The following BCORL1 variants were observed in gnomAD, a reference collection of about 807,000 sequenced individuals.
BCORL1 encodes BCL-6 corepressor-like protein 1.
A neutral mutation model predicts 87.6 loss-of-function variants in BCORL1; 7 were observed. The observed-to-expected ratio is 0.08, with a 90% CI of 0.05 to 0.15. BCORL1 has a LOEUF of 0.15. BCORL1 is among the 10% of genes least tolerant of loss of function. The pLI is 1.00. For missense variants in BCORL1, 1,215 were observed against 1,499.7 expected, an observed-to-expected ratio of 0.81 and a Z score of 3.13; for synonymous variants, 591 against 634.4, an observed-to-expected ratio of 0.93 and a Z score of 1.03.
At chrX:130,050,822 C>G in intron 12 of BCORL1, 28 bp downstream of exon 12, 1 of 1,151,347 alleles carries the variant, frequency 8.7e-7, no homozygotes, top group Non-Finnish European at 1.2e-6. Flanking sequence ...TTCTTCCCAC[C>G]CTTCTTCTCA....
At chrX:130,055,459 G>A (rs1051138759) in intron 13 of BCORL1, among the ~76,000 whole-genome samples, 4 of 112,728 alleles carry the variant, frequency 3.5e-5, no homozygotes, top group African/African-American at 9.7e-5. Flanking sequence ...TGGCAGGGGC[G>A]GGAGTCGGAG....
chrX:129,983,979 C>T (rs1603051235), intron 1 of BCORL1, among the ~76,000 whole-genome samples: 1 of 108,865 alleles, frequency 9.2e-6, no homozygotes, highest in Admixed American at 9.6e-5. Context: ...CCAGGGCTCC[C>T]CCACCCCGGG....
At chrX:130,034,016 C>A (rs1375010561) in intron 8 of BCORL1, among the ~76,000 whole-genome samples, 1 of 111,564 alleles carries the variant, frequency 9.0e-6, no homozygotes, top group Non-Finnish European at 1.9e-5. Context: ...TGTCTCATTT[C>A]TCTTTACTCT....
chrX:129,991,329 T>A (rs750082647), intron 1 of BCORL1, among the ~76,000 whole-genome samples: 41 of 110,583 alleles, frequency 3.7e-4, no homozygotes, highest in Non-Finnish European at 6.4e-4. Flanking sequence ...CATGTTGGCC[T>A]GGCTGGTCTC....
Position 130,008,350 on chromosome X carries a change from G to C in BCORL1, c.86+3033G>C, listed in dbSNP as rs762834419. Among the ~76,000 whole-genome samples, 214 of 108,441 alleles carry C rather than the reference G, an allele frequency of 2.0e-3. 1 individual carries two copies. The highest frequency in any genetic ancestry group is 2.8e-3 in the Non-Finnish European group (144 of 52,321). The allele number at this position is 108,441 out of a possible 115,157, so 94.2% of individuals were successfully genotyped here. The stretch of plus-strand genomic sequence containing the variant: ...GAGATCTGAGCTCACCGCAACCTCC[G>C]CCTCCCGGGTTCAAACGATTCTCCT... On this transcript the variant is annotated intron_variant, in intron 2 of 13. Transcript: ENST00000540052.
At chrX:129,985,639 G>A (rs1926539587) in intron 1 of BCORL1, among the ~76,000 whole-genome samples, 1 of 111,245 alleles carries the variant, frequency 9.0e-6, no homozygotes, top group African/African-American at 3.3e-5. Flanking sequence ...AGAATCTGAA[G>A]GTTGATAGTA....
chrX:130,033,808 C>A (rs939482651), intron 8 of BCORL1, among the ~76,000 whole-genome samples: 1 of 110,437 alleles, frequency 9.1e-6, no homozygotes, highest in African/African-American at 3.3e-5. Context: ...TGTGGCGAAA[C>A]CCCTCTCTAC....
At chrX:130,012,798 G>A in intron 3 of BCORL1, 130 bp downstream of exon 3, 1 of 1,008,846 alleles carries the variant, frequency 9.9e-7, no homozygotes, top group Non-Finnish European at 1.4e-6. Flanking sequence ...GTTGGTATTG[G>A]TGGGACACAA....
chrX:130,004,117 T>C (rs1928283897), intron 1 of BCORL1, among the ~76,000 whole-genome samples: 1 of 111,303 alleles, frequency 9.0e-6, no homozygotes, highest in Non-Finnish European at 1.9e-5. Flanking sequence ...TGCCTCATTT[T>C]TTCTAGAAGG....
At chrX:130,021,813 T>C (rs1314057623) in intron 5 of BCORL1, among the ~76,000 whole-genome samples, 1 of 110,706 alleles carries the variant, frequency 9.0e-6, no homozygotes, top group Non-Finnish European at 1.9e-5. Flanking sequence ...AGACAGAGTC[T>C]CACTTTGCTT....
intron 11 of BCORL1, among the ~76,000 whole-genome samples, chrX:130,047,329 G>A (rs1931816160): frequency 9.0e-6 from 1 of 111,393 alleles, no homozygotes; most frequent in Admixed American, 9.6e-5. Context: ...GGGGTGGAGG[G>A]AATCAAGGGA....
At chrX:129,987,755 G>A (rs761055111) in intron 1 of BCORL1, among the ~76,000 whole-genome samples, 1 of 111,903 alleles carries the variant, frequency 8.9e-6, no homozygotes, top group South Asian at 3.7e-4. Context: ...TGGACTGGAG[G>A]CCACATGGAG....
At position 130,042,524 on chromosome X, in the gene BCORL1, A is replaced by G. The variant is rs187735238; in HGVS notation, c.4840+3242A>G. ...AGGCAGCCTGGGACCTTGGCCTACC[A>G]CCACAGGAAGGCAGGCACTGGCAGG... On this transcript the variant is annotated intron_variant, in intron 11 of 13. Transcript: ENST00000540052. 2.6e-3 allele frequency among the ~76,000 whole-genome samples: 290 copies of G among 112,352 alleles called. 3 individuals are homozygous for G. Among genetic ancestry groups the G allele is most frequent in the Non-Finnish European group, 4.4e-3 (236 of 53,248 alleles).
chrX:130,013,365 C>T lies in BCORL1; in HGVS notation c.593C>T (p.Pro198Leu), dbSNP rs1367444673. The T allele has an allele frequency of 8.3e-7, 1 of 1,210,926 alleles. No homozygotes were observed. ...TLPLVTTNFS[P>L]LPAPICPPAP... ...CCCCTGGTTACCACTAACTTCAGTCCTCTGCCAGCCCCTATCTGTCCCCCT... is the reference window on the plus strand; with the variant it reads ...CCCCTGGTTACCACTAACTTCAGTCTTCTGCCAGCCCCTATCTGTCCCCCT... The change falls in exon 4 of 14, where the codon CCT (proline) becomes CTT (leucine). Residue 198 changes from proline (P) to leucine (L), a missense_variant. This residue lies in a region of BCORL1 where 861 missense variants were observed against 1,010.0 expected (regional missense o/e 0.85). Coordinates refer to ENST00000540052, the MANE Select transcript of BCORL1 (RefSeq NM_001379451.1).
intron 10 of BCORL1, among the ~76,000 whole-genome samples, chrX:130,038,699 C>T (rs1198647307): frequency 9.0e-6 from 1 of 111,364 alleles, no homozygotes; most frequent in Non-Finnish European, 1.9e-5. Flanking sequence ...CCAGGCTGGT[C>T]TCAAACTCTT....
chrX:130,038,075 C>CT (rs1223922240), intron 10 of BCORL1, among the ~76,000 whole-genome samples: 2 of 110,316 alleles, frequency 1.8e-5, no homozygotes, highest in African/African-American at 6.6e-5. Context: ...GCATCAGTTA[C>CT]TAAGGGGAGG....
chrX:130,002,674 A>G (rs993024876), intron 1 of BCORL1, among the ~76,000 whole-genome samples: 19 of 106,656 alleles, frequency 1.8e-4, no homozygotes, highest in Admixed American at 5.1e-4. Context: ...AACGGGGAGA[A>G]AGTTGGAGGA....
rs752376560 is a variant in BCORL1, at chrX:130,006,530, T to C, written c.86+1213T>C. 2.7e-5 allele frequency among the ~76,000 whole-genome samples: 3 copies of C among 110,234 alleles called. No homozygotes were observed. In the South Asian group the frequency reaches 1.2e-3, roughly 43 times the overall value. The stretch of plus-strand genomic sequence containing the variant: ...TGCCGCCACCAAGCCCGGCTAATTT[T>C]TTGTATTTTTAGTAGAGACGGGGTT... On this transcript the variant is annotated intron_variant, in intron 2 of 13. Transcript: ENST00000540052.
chrX:130,003,228 G>A (rs993302707), intron 1 of BCORL1, among the ~76,000 whole-genome samples: 1 of 110,847 alleles, frequency 9.0e-6, no homozygotes, highest in Non-Finnish European at 1.9e-5. Context: ...ACCTCATTCC[G>A]ATGGTTTAAA....
Sources: gnomAD v4.1 joint callset for allele counts (sites outside exome capture counted in the v4.1 genomes callset) on GRCh38, gnomAD v4.1.1 for gene constraint, gnomAD v4.1.1 regional missense constraint, MANE v1.5 for transcripts, NCBI Gene and HGNC (gene_info 2026-07-23, HGNC 2026-07-21) for gene names.